The following RAB21 variants were observed in gnomAD, a reference collection of about 807,000 sequenced individuals.
The protein encoded by RAB21 is ras-related protein Rab-21.
A neutral mutation model predicts 33.1 loss-of-function variants in RAB21; 13 were observed. The ratio of observed to expected loss-of-function variants is 0.39; its 90% CI spans 0.26 to 0.62. The LOEUF (loss-of-function observed/expected upper bound fraction) is 0.62, where lower values mean the gene tolerates loss of function less well. RAB21 is among the 20% of genes least tolerant of loss of function. RAB21 has a pLI of 0.48. For missense variants in RAB21, 234 were observed against 279.1 expected (o/e 0.84, Z 1.15); for synonymous variants, 91 against 103.7 (o/e 0.88, Z 0.74).
intron 6 of RAB21, among the ~76,000 whole-genome samples, chr12:71,783,848 A>ACCTC (rs948068635): frequency 1.6e-4 from 24 of 151,102 alleles, no homozygotes; most frequent in South Asian, 4.2e-4. Flanking sequence ...CTCCTTCCTT[A>ACCTC]CCTCCCTCCC....
chr12:71,776,051 G>A (rs1883115035), intron 4 of RAB21, among the ~76,000 whole-genome samples: 3 of 152,176 alleles, frequency 2.0e-5, no homozygotes, highest in African/African-American at 7.2e-5. Context: ...CAAAGCTACA[G>A]CTAATCAGTA....
At position 71,787,410 on chromosome 12, in the gene RAB21, A is replaced by G. The variant is rs554214669; in HGVS notation, c.*1737A>G. 5.2e-4 allele frequency: 79 copies of G among 152,272 alleles called. No homozygotes were observed. The highest frequency in any genetic ancestry group is 3.4e-3 in the Middle Eastern group (1 of 294). The allele number at this position is 152,272 out of a possible 1,614,324, so 9.4% of individuals were successfully genotyped here. ...TCATTTCTGTCGTGCTTGGAAAACT[A>G]GTAAATATTATGTCTAAGATAAAAT... On this transcript the variant is annotated 3_prime_UTR_variant, in exon 7 of 7. Transcript: ENST00000261263.
At chr12:71,760,246 C>T (rs2864809) in intron 1 of RAB21, among the ~76,000 whole-genome samples, 1 of 151,920 alleles carries the variant, frequency 6.6e-6, no homozygotes, top group Non-Finnish European at 1.5e-5. Context: ...AATTCACTTT[C>T]TTTTTTTTGT....
Position 71,798,174 on chromosome 12 carries a change from C to T in RAB21, c.*12501C>T, listed in dbSNP as rs1376691008. On this transcript the variant is annotated 3_prime_UTR_variant, in exon 7 of 7. Coordinates refer to ENST00000261263, the MANE Select transcript of RAB21 (RefSeq NM_014999.4). The stretch of plus-strand genomic sequence containing the variant: ...TCTTGGCTCACTGCAACCTCTGCCT[C>T]CCAGGTTCAAGCAATTATTCCTACC... The T allele has an allele frequency of 6.6e-6, 1 of 152,186 alleles. No individual in the cohort carries two copies. Among genetic ancestry groups the T allele is most frequent in the Non-Finnish European group, 1.5e-5 (1 of 68,064 alleles). The allele number at this position is 152,186 out of a possible 1,614,324, so 9.4% of individuals were successfully genotyped here. A position where few individuals can be genotyped will look rare whatever the true frequency, so the allele number is the denominator to read the frequency against.
At chr12:71,777,568 GA>G in intron 4 of RAB21, among the ~76,000 whole-genome samples, 1 of 152,290 alleles carries the variant, frequency 6.6e-6, no homozygotes, top group South Asian at 2.1e-4. Flanking sequence ...TCAGGGTTAT[GA>G]TGAAGATTAT....
Position 71,795,582 on chromosome 12 carries a change from C to T in RAB21, c.*9909C>T, listed in dbSNP as rs1341144621. On this transcript the variant is annotated 3_prime_UTR_variant, in exon 7 of 7. Coordinates refer to ENST00000261263, the MANE Select transcript of RAB21 (RefSeq NM_014999.4). The stretch of plus-strand genomic sequence containing the variant: ...TTTGTGATCAGTAAATTATAAATTA[C>T]ACAGAAGCTTCCAGCTACCTGGTAT... 7 of 137,364 alleles carry T rather than the reference C, an allele frequency of 5.1e-5. 1 individual carries two copies. The highest frequency in any genetic ancestry group is 2.1e-4 in the African/African-American group (7 of 34,106). 8.5% of individuals were successfully genotyped at this position (137,364 alleles called of 1,614,324 possible).
chr12:71,783,024 GA>G (rs1201607915), intron 6 of RAB21, among the ~76,000 whole-genome samples: 3 of 152,030 alleles, frequency 2.0e-5, no homozygotes, highest in African/African-American at 7.2e-5. Flanking sequence ...TCAAACTAGT[GA>G]AAAAGAGTGT....
rs1400977243 is a variant in RAB21 at position 71,797,883 on chromosome 12, A to G, written c.*12210A>G. 1 of 152,082 alleles carries G rather than the reference A, an allele frequency of 6.6e-6. No homozygotes were observed. The highest frequency in any genetic ancestry group is 1.5e-5 in the Non-Finnish European group (1 of 68,024). The allele number at this position is 152,082 out of a possible 1,614,324, so 9.4% of individuals were successfully genotyped here. On this transcript the variant is annotated 3_prime_UTR_variant, in exon 7 of 7. Coordinates refer to ENST00000261263, the MANE Select transcript of RAB21 (RefSeq NM_014999.4). ...GTAGGACACTTGGGTAGCTATAGAGAACAAAGCTGGATTCATACCTCATAA... is the reference window on the plus strand; with the variant it reads ...GTAGGACACTTGGGTAGCTATAGAGGACAAAGCTGGATTCATACCTCATAA...
chr12:71,759,393 A>G (rs1351701957), intron 1 of RAB21, among the ~76,000 whole-genome samples: 1 of 152,214 alleles, frequency 6.6e-6, no homozygotes, highest in Non-Finnish European at 1.5e-5. Context: ...GCAGAGAGAG[A>G]GGGCCAAGTG....
chr12:71,781,608 T>C (rs185467852), intron 4 of RAB21, among the ~76,000 whole-genome samples: 28 of 152,348 alleles, frequency 1.8e-4, no homozygotes, highest in Non-Finnish European at 3.4e-4. Flanking sequence ...GCTAGATTAA[T>C]ATATTTTAGT....
Position 71,767,127 on chromosome 12 carries a change from TTAAC to T in RAB21, c.160-2670_160-2667del, listed in dbSNP as rs546620166. ...CATGGATGGCTATTTTTGTGAATTT[TTAAC>T]TACTTACCTATTAATGAACACAGAT... On this transcript the variant is annotated intron_variant, in intron 1 of 6. Transcript: ENST00000261263. Among the ~76,000 whole-genome samples the T allele has an allele frequency of 1.5e-3, 233 of 152,326 alleles. 2 individuals are homozygous for T. The highest frequency in any genetic ancestry group is 5.3e-3 in the African/African-American group (222 of 41,576).
rs61754230 is a variant in RAB21, at chr12:71,785,666, C to T, written c.671C>T (p.Ser224Phe). Residue 224 changes from serine to phenylalanine, a missense_variant, in exon 7 of 7, where the codon TCT becomes TTT. Transcript: ENST00000261263. ...ACCAGTGGTGGAGGGTGCTGTTCTT[C>T]TGGATAACTGTTCACGCCTAAGAAA... ...AQTSGGGCCS[S>F]G 0.016 allele frequency: 26,261 copies of T among 1,614,058 alleles called. 263 individuals are homozygous for T. Among genetic ancestry groups the T allele is most frequent in the Middle Eastern group, 0.024 (145 of 6,062 alleles).
Position 71,797,911 on chromosome 12 carries a change from C to T in RAB21, c.*12238C>T, listed in dbSNP as rs1413613181. 6.6e-6 allele frequency: 1 copy of T among 151,892 alleles called. No homozygotes were observed. The highest frequency in any genetic ancestry group is 1.5e-5 in the Non-Finnish European group (1 of 67,986). The allele number at this position is 151,892 out of a possible 1,614,324, so 9.4% of individuals were successfully genotyped here. A position where few individuals can be genotyped will look rare whatever the true frequency, so the allele number is the denominator to read the frequency against. On this transcript the variant is annotated 3_prime_UTR_variant, in exon 7 of 7. Coordinates refer to ENST00000261263, the MANE Select transcript of RAB21 (RefSeq NM_014999.4). Reference sequence around the variant, plus strand: ...AAAGCTGGATTCATACCTCATAAACCAAAATGCATTCCAGTTTAAATATGA... The same window carrying T: ...AAAGCTGGATTCATACCTCATAAACTAAAATGCATTCCAGTTTAAATATGA...
At chr12:71,774,575 A>G (rs1883092405) in intron 4 of RAB21, among the ~76,000 whole-genome samples, 1 of 152,006 alleles carries the variant, frequency 6.6e-6, no homozygotes. Context: ...CCTGGCCAAC[A>G]TAGTGAAACC....
At position 71,791,155 on chromosome 12, in the gene RAB21, G is replaced by C. The variant is rs531304531; in HGVS notation, c.*5482G>C. ...AAGCCACCATGCCTGGCTAATTTTT[G>C]TATTTTTCATTTTTAGTAGAGATGG... On this transcript the variant is annotated 3_prime_UTR_variant, in exon 7 of 7. Coordinates refer to ENST00000261263, the MANE Select transcript of RAB21 (RefSeq NM_014999.4). 1 of 152,388 alleles carries C rather than the reference G, an allele frequency of 6.6e-6. No individual in the cohort carries two copies. The highest frequency in any genetic ancestry group is 1.9e-4 in the East Asian group (1 of 5,174). 9.4% of individuals were successfully genotyped at this position (152,388 alleles called of 1,614,324 possible).
chr12:71,784,548 T>G (rs1420113252), intron 6 of RAB21, among the ~76,000 whole-genome samples: 1 of 152,154 alleles, frequency 6.6e-6, no homozygotes, highest in Non-Finnish European at 1.5e-5. Flanking sequence ...TCCAGTTCTA[T>G]TAATACTACT....
At chr12:71,782,441 C>A in intron 5 of RAB21, 129 bp from the exon 6 acceptor site, 1 of 581,632 alleles carries the variant, frequency 1.7e-6, no homozygotes, top group South Asian at 3.0e-5. Context: ...ATTTAAATAG[C>A]TATATAAACT....
chr12:71,763,737 C>A (rs1001783579), intron 1 of RAB21, among the ~76,000 whole-genome samples: 19 of 152,154 alleles, frequency 1.2e-4, no homozygotes, highest in Non-Finnish European at 2.6e-4. Flanking sequence ...TGGATCCTTG[C>A]TAGTAATACT....
chr12:71,774,214 A>C (rs1883084875), intron 4 of RAB21, 192 bp downstream of exon 4: 1 of 311,170 alleles, frequency 3.2e-6, no homozygotes, highest in South Asian at 5.9e-5. Flanking sequence ...TGGGAGGCCA[A>C]AGTGGGTGGA....
Sources: gnomAD v4.1 joint callset for allele counts (sites outside exome capture counted in the v4.1 genomes callset) on GRCh38, gnomAD v4.1.1 for gene constraint, MANE v1.5 for transcripts, NCBI Gene and HGNC (gene_info 2026-07-23, HGNC 2026-07-21) for gene names.